Variants in UBE2K observed in about 807,000 individuals in gnomAD.
The protein encoded by UBE2K is ubiquitin-conjugating enzyme E2 K.
Under a neutral mutation model 30.0 loss-of-function variants are expected in UBE2K, and 6 were observed. The observed-to-expected ratio is 0.20, with a 90% CI of 0.11 to 0.39. The LOEUF is 0.39. UBE2K is among the 10% of genes least tolerant of loss of function. The probability of loss-of-function intolerance (pLI) is 1.00; values close to 1 mark genes in which losing one functional copy is unlikely to be tolerated. For synonymous variants in UBE2K, 86 were observed against 83.7 expected, an observed-to-expected ratio of 1.03 and a Z score of -0.15; for missense variants, 61 against 241.6, an observed-to-expected ratio of 0.25 and a Z score of 4.96.
intron 4 of UBE2K, among the ~76,000 whole-genome samples, chr4:39,774,134 G>A (rs149519950): frequency 0.011 from 1,603 of 150,828 alleles, 14 homozygotes; most frequent in Middle Eastern, 0.027. Flanking sequence ...CCGTCTTTAC[G>A]AAAAAAGGAA....
At chr4:39,701,401 A>G (rs969630286) in intron 1 of UBE2K, among the ~76,000 whole-genome samples, 1 of 152,194 alleles carries the variant, frequency 6.6e-6, no homozygotes, top group Non-Finnish European at 1.5e-5. Context: ...ACTAGCTGCC[A>G]TTTGTAGAAT....
At chr4:39,774,696 CTA>C in intron 4 of UBE2K, 136 bp from the exon 5 acceptor site, 1 of 428,262 alleles carries the variant, frequency 2.3e-6, no homozygotes, top group South Asian at 7.3e-5. Context: ...TTATAAATGT[CTA>C]TGACTTAACT....
intron 1 of UBE2K, among the ~76,000 whole-genome samples, chr4:39,727,881 C>T (rs1221019859): frequency 6.6e-6 from 1 of 152,002 alleles, no homozygotes; most frequent in African/African-American, 2.4e-5. Flanking sequence ...CCTGTAATCC[C>T]AGCACTTTGG....
intron 1 of UBE2K, chr4:39,714,540 A>ATTTTT (rs1316202885): frequency 9.7e-5 from 2 of 20,554 alleles, no homozygotes; most frequent in African/African-American, 3.8e-4. Flanking sequence ...ATATATATAT[A>ATTTTT]TATATATATA....
chr4:39,766,156 T>G (rs1712321215), intron 4 of UBE2K, among the ~76,000 whole-genome samples: 3 of 152,030 alleles, frequency 2.0e-5, no homozygotes, highest in South Asian at 2.1e-4. Context: ...CTGTGTTTTT[T>G]GTGTGTGTTT....
At chr4:39,699,919 G>C (rs1391849696) in intron 1 of UBE2K, among the ~76,000 whole-genome samples, 1 of 152,142 alleles carries the variant, frequency 6.6e-6, no homozygotes, top group Non-Finnish European at 1.5e-5. Context: ...TGCAGAAATA[G>C]AGTCATAAGT....
rs1367356385 is a variant in UBE2K at position 39,781,868 on chromosome 4, A to C, written c.*3434A>C. 1 of 398,212 alleles carries C rather than the reference A, an allele frequency of 2.5e-6. No individual in the cohort carries two copies. Among genetic ancestry groups the C allele is most frequent in the Admixed American group, 4.4e-5 (1 of 22,724 alleles). 24.7% of individuals were successfully genotyped at this position (398,212 alleles called of 1,614,324 possible). A position where few individuals can be genotyped will look rare whatever the true frequency, so the allele number is the denominator to read the frequency against. ...TTACGTTTCCATTCTTTTTAGTATC[A>C]GTTTAAAGTAAATGCTTACCATCAG... is the stretch of plus-strand genomic sequence containing the variant. On this transcript the variant is annotated 3_prime_UTR_variant, in exon 7 of 7. Coordinates refer to ENST00000261427, the MANE Select transcript of UBE2K (RefSeq NM_005339.5).
chr4:39,705,343 G>A (rs1208582227), intron 1 of UBE2K, among the ~76,000 whole-genome samples: 8 of 149,852 alleles, frequency 5.3e-5, no homozygotes, highest in African/African-American at 9.8e-5. Context: ...TATTACAGGC[G>A]CACCCCACCA....
At chr4:39,772,260 G>C (rs1038079606) in intron 4 of UBE2K, among the ~76,000 whole-genome samples, 1 of 152,016 alleles carries the variant, frequency 6.6e-6, no homozygotes, top group Non-Finnish European at 1.5e-5. Flanking sequence ...AGTTGAAAAA[G>C]GCTGGTTTAG....
intron 1 of UBE2K, among the ~76,000 whole-genome samples, chr4:39,700,925 C>CCAT (rs1717973075): frequency 6.3e-3 from 1 of 158 alleles, no homozygotes; most frequent in Non-Finnish European, 0.012. Context: ...GTGGAAGAGG[C>CCAT]CATTTGTGTC....
intron 3 of UBE2K, among the ~76,000 whole-genome samples, chr4:39,751,922 G>A (rs1473390138): frequency 6.6e-6 from 1 of 152,038 alleles, no homozygotes; most frequent in South Asian, 2.1e-4. Context: ...AACCGAGATC[G>A]CACCACCGCA....
chr4:39,744,321 C>T (rs1267726933), intron 2 of UBE2K, among the ~76,000 whole-genome samples: 3 of 151,826 alleles, frequency 2.0e-5, no homozygotes, highest in East Asian at 2.0e-4. Flanking sequence ...TACAGGCGTC[C>T]GCCACCATGC....
rs759607305 is a variant in UBE2K, at chr4:39,774,961, CTTATA to C, written c.399+33_399+37del. ...AAGATGGCCGCTTTTGAAAGACTTTCTTATATTATGTATGAGTCTCTAGCCACTTC... is the reference window on the plus strand; with the variant it reads ...AAGATGGCCGCTTTTGAAAGACTTTCTTATGTATGAGTCTCTAGCCACTTC... On this transcript the variant is annotated intron_variant, in intron 5 of 6. Coordinates refer to ENST00000261427, the MANE Select transcript of UBE2K (RefSeq NM_005339.5). The C allele has an allele frequency of 1.4e-5, 21 of 1,512,062 alleles. No homozygotes were observed. In the African/African-American group the frequency reaches 2.1e-4, roughly 15 times the overall value. 93.7% of individuals were successfully genotyped at this position (1,512,062 alleles called of 1,614,324 possible). A position where few individuals can be genotyped will look rare whatever the true frequency, so the allele number is the denominator to read the frequency against.
At chr4:39,749,622 T>C (rs145755122) in intron 3 of UBE2K, among the ~76,000 whole-genome samples, 1,776 of 152,084 alleles carry the variant, frequency 0.012, 18 homozygotes, top group Non-Finnish European at 0.021. Context: ...GAGGTTGCAG[T>C]GAGCCGAGAT....
chr4:39,710,894 A>G (rs114147269), intron 1 of UBE2K, among the ~76,000 whole-genome samples: 4,583 of 152,086 alleles, frequency 0.03, 138 homozygotes, highest in Non-Finnish European at 0.044. Flanking sequence ...ATCTTCTCAT[A>G]CTGTGGGCTA....
chr4:39,722,824 C>A (rs1214208249), intron 1 of UBE2K, among the ~76,000 whole-genome samples: 1 of 145,912 alleles, frequency 6.9e-6, no homozygotes, highest in Non-Finnish European at 1.5e-5. Context: ...GAGATGGAGT[C>A]TCCCTCTGTC....
In UBE2K at chr4:39,711,413, C is replaced by T. The variant is rs567207369; in HGVS notation, c.63+13023C>T. Among the ~76,000 whole-genome samples, 49 of 151,822 alleles carry T rather than the reference C, an allele frequency of 3.2e-4. 2 individuals are homozygous for T. Among genetic ancestry groups the T allele is most frequent in the African/African-American group, 1.0e-3 (43 of 41,458 alleles). ...TCCTGACTTCATGATCCGCCCGCCT[C>T]GGCCTCCCAAAGTGCTGAGATTACA... On this transcript the variant is annotated intron_variant, in intron 1 of 6. Transcript: ENST00000261427.
chr4:39,766,403 T>C (rs1412596414), intron 4 of UBE2K, among the ~76,000 whole-genome samples: 3 of 152,194 alleles, frequency 2.0e-5, no homozygotes, highest in African/African-American at 7.2e-5. Context: ...CATCTTTTTA[T>C]GTGTTTATTG....
chr4:39,772,773 C>T (rs1008639178), intron 4 of UBE2K, among the ~76,000 whole-genome samples: 10 of 151,730 alleles, frequency 6.6e-5, no homozygotes, highest in East Asian at 1.9e-4. Context: ...CGGCAACCTC[C>T]GCCTCCCGAG....
Sources: gnomAD v4.1 joint callset for allele counts (sites outside exome capture counted in the v4.1 genomes callset) on GRCh38, gnomAD v4.1.1 for gene constraint, MANE v1.5 for transcripts, NCBI Gene and HGNC (gene_info 2026-07-23, HGNC 2026-07-21) for gene names.